Variants in ITPRID1 observed in about 807,000 individuals in gnomAD.
ITPRID1 encodes the protein ITPR interacting domain containing 1.
In ITPRID1, 96 loss-of-function variants were observed where a neutral mutation model predicts 95.4. The observed-to-expected ratio is 1.01, with a 90% CI of 0.85 to 1.19. ITPRID1 has a LOEUF of 1.19. Among genes scored for constraint, ITPRID1 ranks in the 50% most tolerant of loss-of-function variants. The probability of loss-of-function intolerance (pLI) is 0.00; values close to 1 mark genes in which losing one functional copy is unlikely to be tolerated. For missense variants in ITPRID1, 1,339 were observed against 1,252.9 expected (o/e 1.07, Z -1.04); for synonymous variants, 510 against 453.6 (o/e 1.12, Z -1.58).
chr7:31,571,023 G>T (rs1356310215), intron 6 of ITPRID1, among the ~76,000 whole-genome samples: 5 of 150,598 alleles, frequency 3.3e-5, no homozygotes, highest in Admixed American at 6.6e-5. Context: ...CCCAGCTATT[G>T]TTTTTTTTTG....
At chr7:31,540,181 C>T (rs908178598) in intron 1 of ITPRID1, among the ~76,000 whole-genome samples, 8 of 151,886 alleles carry the variant, frequency 5.3e-5, no homozygotes, top group African/African-American at 1.9e-4. Context: ...GGAGTAACAC[C>T]GTCTGTAGAT....
At chr7:31,644,031 T>A in intron 12 of ITPRID1, 78 bp downstream of exon 12, 1 of 1,346,190 alleles carries the variant, frequency 7.4e-7, no homozygotes, top group Non-Finnish European at 1.0e-6. Context: ...TCAGACTTCC[T>A]TGCTGAATGC....
rs534851184 is a variant in ITPRID1, at chr7:31,514,871, A to G, written c.-98+751A>G. The stretch of plus-strand genomic sequence containing the variant: ...TATAAACATGAATTTTATGTAATAT[A>G]TAAAGGTTAATATTTTACATAATAT... On this transcript the variant is annotated intron_variant, in intron 1 of 14. Transcript: ENST00000615280. 2.8e-4 allele frequency among the ~76,000 whole-genome samples: 43 copies of G among 151,684 alleles called. No homozygotes were observed. In the South Asian group the frequency reaches 3.5e-3, roughly 12 times the overall value.
chr7:31,571,766 C>G (rs550922251), intron 6 of ITPRID1, among the ~76,000 whole-genome samples: 1 of 152,208 alleles, frequency 6.6e-6, no homozygotes, highest in Admixed American at 6.5e-5. Flanking sequence ...ATAATTTTAA[C>G]TTCTTCCTGA....
chr7:31,622,895 T>G (rs1198870966), intron 10 of ITPRID1, among the ~76,000 whole-genome samples: 1 of 151,916 alleles, frequency 6.6e-6, no homozygotes, highest in South Asian at 2.1e-4. Flanking sequence ...AAGACTCAAA[T>G]AGACACAATA....
chr7:31,570,714 C>T (rs1042453558), intron 6 of ITPRID1, among the ~76,000 whole-genome samples: 1 of 152,180 alleles, frequency 6.6e-6, no homozygotes, highest in African/African-American at 2.4e-5. Flanking sequence ...GTGACCAACT[C>T]GTGCTTCCAG....
intron 9 of ITPRID1, among the ~76,000 whole-genome samples, chr7:31,578,834 C>T (rs1261898602): frequency 6.6e-6 from 1 of 152,198 alleles, no homozygotes; most frequent in African/African-American, 2.4e-5. Flanking sequence ...TCTGTGTTCT[C>T]ATTGCTTTAG....
At chr7:31,565,452 T>C (rs185204597) in intron 5 of ITPRID1, among the ~76,000 whole-genome samples, 54 of 152,208 alleles carry the variant, frequency 3.5e-4, no homozygotes, top group African/African-American at 1.2e-3. Context: ...GAGAAAGTAA[T>C]AGGCCAGCTG....
chr7:31,528,157 G>A (rs1783482613), intron 1 of ITPRID1, among the ~76,000 whole-genome samples: 1 of 152,114 alleles, frequency 6.6e-6, no homozygotes, highest in Admixed American at 6.6e-5. Flanking sequence ...AATTTCTAAT[G>A]CAAACTTCAG....
At chr7:31,559,054 A>G (rs923999116) in intron 5 of ITPRID1, among the ~76,000 whole-genome samples, 5 of 152,180 alleles carry the variant, frequency 3.3e-5, no homozygotes, top group African/African-American at 1.2e-4. Context: ...TCACCAGTCT[A>G]TAGGTACAAA....
chr7:31,576,166 T>C (rs1346258816), intron 8 of ITPRID1, among the ~76,000 whole-genome samples: 1 of 152,210 alleles, frequency 6.6e-6, no homozygotes, highest in African/African-American at 2.4e-5. Flanking sequence ...TGGTGCACTC[T>C]AATTTCTACA....
intron 10 of ITPRID1, among the ~76,000 whole-genome samples, chr7:31,614,828 G>A (rs1787053179): frequency 6.6e-6 from 1 of 152,070 alleles, no homozygotes; most frequent in African/African-American, 2.4e-5. Context: ...AATTACTTCA[G>A]AAACAGCCAC....
rs764471903 is a variant in ITPRID1, at chr7:31,554,502, A to G, written c.191A>G (p.Gln64Arg). ...LEDSKQESIQ[Q>R]WLDSGFFVSA... is the part of the protein sequence containing the mutation. ...GATTCCAAGCAAGAAAGTATTCAGC[A>G]GTGGCTGGACTCTGGATTCTTGTAA... is the stretch of plus-strand genomic sequence containing the variant. The change falls in exon 4 of 15, where the codon CAG (glutamine) becomes CGG (arginine). Residue 64 changes from glutamine to arginine, a missense_variant. Transcript: ENST00000615280. The G allele has an allele frequency of 2.5e-6, 4 of 1,613,084 alleles. No individual in the cohort carries two copies. The South Asian group carries it at 4.4e-5, about 18-fold the overall frequency.
intron 10 of ITPRID1, among the ~76,000 whole-genome samples, chr7:31,633,177 G>C (rs555427805): frequency 3.3e-5 from 5 of 152,248 alleles, no homozygotes; most frequent in Admixed American, 6.5e-5. Flanking sequence ...GAGCTACCGC[G>C]ACCGGCCAGG....
At chr7:31,598,808 A>G (rs1362852064) in intron 10 of ITPRID1, among the ~76,000 whole-genome samples, 1 of 152,216 alleles carries the variant, frequency 6.6e-6, no homozygotes, top group Non-Finnish European at 1.5e-5. Flanking sequence ...CGAATAAACA[A>G]GAAAAAAAAG....
At chr7:31,599,566 A>G (rs1253177651) in intron 10 of ITPRID1, among the ~76,000 whole-genome samples, 2 of 151,590 alleles carry the variant, frequency 1.3e-5, no homozygotes, top group Non-Finnish European at 2.9e-5. Flanking sequence ...GCTATGAAGA[A>G]TATGTATTTG....
chr7:31,635,620 C>T (rs570673858), intron 10 of ITPRID1, among the ~76,000 whole-genome samples: 1 of 152,262 alleles, frequency 6.6e-6, no homozygotes, highest in East Asian at 1.9e-4. Context: ...TTTAGGGACC[C>T]TTTGTAGTTG....
At chr7:31,570,379 G>C (rs1327164512) in intron 6 of ITPRID1, among the ~76,000 whole-genome samples, 1 of 152,150 alleles carries the variant, frequency 6.6e-6, no homozygotes, top group Non-Finnish European at 1.5e-5. Context: ...CTGTATTTGT[G>C]CATGTCCTTC....
At chr7:31,526,148 T>C (rs1783415141) in intron 1 of ITPRID1, among the ~76,000 whole-genome samples, 1 of 152,218 alleles carries the variant, frequency 6.6e-6, no homozygotes, top group African/African-American at 2.4e-5. Flanking sequence ...TACTTCCCTT[T>C]TATTTAGAAT....
Sources: allele counts gnomAD v4.1 joint callset (sites outside exome capture counted in the v4.1 genomes callset), GRCh38; gene constraint gnomAD v4.1.1; transcripts MANE v1.5; gene names NCBI Gene and HGNC (gene_info 2026-07-23, HGNC 2026-07-21).